Variants in KIFAP3 observed in about 807,000 individuals in gnomAD.
KIFAP3 encodes the protein kinesin associated protein 3.
A neutral mutation model predicts 106.5 loss-of-function variants in KIFAP3; 68 were observed. That is an observed-to-expected ratio of 0.64 (90% CI 0.53 to 0.78). The LOEUF is 0.78. KIFAP3 is among the 30% of genes least tolerant of loss of function. KIFAP3 has a pLI of 0.00. For synonymous variants in KIFAP3, 320 were observed against 311.5 expected, an observed-to-expected ratio of 1.03 and a Z score of -0.29; for missense variants, 780 against 941.8, an observed-to-expected ratio of 0.83 and a Z score of 2.25.
chr1:170,023,631 G>C (rs965699613), intron 9 of KIFAP3, among the ~76,000 whole-genome samples: 1 of 152,030 alleles, frequency 6.6e-6, no homozygotes, highest in African/African-American at 2.4e-5. Context: ...TGAAAACAAG[G>C]TAGGTTAATA....
At chr1:170,010,225 A>G (rs148715578) in intron 10 of KIFAP3, among the ~76,000 whole-genome samples, 42 of 152,162 alleles carry the variant, frequency 2.8e-4, no homozygotes, top group African/African-American at 9.6e-4. Context: ...ATATTCATAT[A>G]TAAGGTTTTC....
At chr1:169,989,302 T>C (rs983556097) in intron 11 of KIFAP3, among the ~76,000 whole-genome samples, 1 of 150,472 alleles carries the variant, frequency 6.6e-6, no homozygotes, top group Non-Finnish European at 1.5e-5. Context: ...TATAAGTAAG[T>C]TTCCTATCCT....
At chr1:169,948,139 A>G (rs116052803) in intron 19 of KIFAP3, among the ~76,000 whole-genome samples, 2,797 of 151,900 alleles carry the variant, frequency 0.018, 72 homozygotes, top group African/African-American at 0.063. Context: ...AAGGAAGTAA[A>G]CAATCTAAGG....
rs1302675996 is a variant in KIFAP3, at chr1:170,011,486, TTAAA to T, written c.1183+4972_1183+4975del. On this transcript the variant is annotated intron_variant, in intron 10 of 19. Coordinates refer to ENST00000361580, the MANE Select transcript of KIFAP3 (RefSeq NM_014970.4). Reference sequence around the variant, plus strand: ...TTAATTACATATATTAAACAAATGTTTAAATATATATCAAATATAATATGTAATA... The same window carrying T: ...TTAATTACATATATTAAACAAATGTTTATATATCAAATATAATATGTAATA... 1.3e-4 allele frequency among the ~76,000 whole-genome samples: 20 copies of T among 151,886 alleles called. No individual in the cohort carries two copies. The East Asian group carries it at 3.5e-3, about 26-fold the overall frequency.
chr1:170,006,872 G>A (rs1667993260), intron 10 of KIFAP3, among the ~76,000 whole-genome samples: 1 of 152,116 alleles, frequency 6.6e-6, no homozygotes, highest in African/African-American at 2.4e-5. Context: ...TATAGGCAGA[G>A]TATTTAAATG....
chr1:169,988,460 T>C (rs552898304), intron 11 of KIFAP3, among the ~76,000 whole-genome samples: 2 of 152,124 alleles, frequency 1.3e-5, no homozygotes, highest in Non-Finnish European at 2.9e-5. Context: ...CATGAGGATT[T>C]TTACCAAGCA....
Position 169,997,088 on chromosome 1 carries a change from C to A in KIFAP3, c.1184-4833G>T, listed in dbSNP as rs150038659. On this transcript the variant is annotated intron_variant, in intron 10 of 19. Transcript: ENST00000361580. ...TAGGTAGACTGATAAAAGCAATACTCTAACATTGGCTGACAGCTCAGGCTC... is the reference window on the plus strand; with the variant it reads ...TAGGTAGACTGATAAAAGCAATACTATAACATTGGCTGACAGCTCAGGCTC... Among the ~76,000 whole-genome samples, 262 of 152,316 alleles carry A rather than the reference C, an allele frequency of 1.7e-3. 1 individual carries two copies. Among genetic ancestry groups the A allele is most frequent in the African/African-American group, 6.1e-3 (255 of 41,562 alleles).
intron 18 of KIFAP3, among the ~76,000 whole-genome samples, chr1:169,957,771 C>T (rs1291268415): frequency 6.6e-6 from 1 of 152,004 alleles, no homozygotes; most frequent in Non-Finnish European, 1.5e-5. Context: ...GGATTACAGG[C>T]GTGTGCTATC....
intron 18 of KIFAP3, among the ~76,000 whole-genome samples, chr1:169,960,567 T>C (rs1665272224): frequency 6.6e-6 from 1 of 152,154 alleles, no homozygotes; most frequent in African/African-American, 2.4e-5. Flanking sequence ...AATAAACAAT[T>C]ACTCTAAAGT....
chr1:170,041,659 C>G (rs1484716095), intron 3 of KIFAP3: 78 of 1,527,190 alleles, frequency 5.1e-5, no homozygotes, highest in Non-Finnish European at 6.3e-5. Flanking sequence ...CCTCCCTTGC[C>G]AGCAAGGCAT....
intron 3 of KIFAP3, chr1:170,041,563 G>A (rs985055999): frequency 7.1e-6 from 5 of 706,592 alleles, no homozygotes; most frequent in African/African-American, 7.0e-5. Flanking sequence ...TCTGCCTGTG[G>A]CTCGGTGACC....
chr1:170,062,048 G>A (rs1036656900), intron 1 of KIFAP3, among the ~76,000 whole-genome samples: 1 of 152,014 alleles, frequency 6.6e-6, no homozygotes, highest in Non-Finnish European at 1.5e-5. Flanking sequence ...AGCATTAGGA[G>A]ATATGCCTAA....
At chr1:170,011,800 C>T (rs936048390) in intron 10 of KIFAP3, among the ~76,000 whole-genome samples, 2 of 151,962 alleles carry the variant, frequency 1.3e-5, no homozygotes, top group South Asian at 4.1e-4. Flanking sequence ...TTAAATGTAT[C>T]ACTGAATTAC....
chr1:170,076,678 C>A (rs769544501), upstream of KIFAP3, among the ~76,000 whole-genome samples: 2 of 152,074 alleles, frequency 1.3e-5, no homozygotes, highest in Non-Finnish European at 2.9e-5. Context: ...CTCCTTTTAA[C>A]AAGGAAAAGC....
chr1:170,030,901 T>C (rs1251373182), intron 8 of KIFAP3, among the ~76,000 whole-genome samples: 1 of 151,748 alleles, frequency 6.6e-6, no homozygotes, highest in African/African-American at 2.4e-5. Context: ...GGTATTTACA[T>C]ATGTTAAAAT....
At chr1:169,997,504 G>GACAC (rs1031845053) in intron 10 of KIFAP3, among the ~76,000 whole-genome samples, 1 of 152,060 alleles carries the variant, frequency 6.6e-6, no homozygotes, top group African/African-American at 2.4e-5. Context: ...AGATAAGCTA[G>GACAC]ACACAGTTCA....
chr1:170,041,557 C>T lies in KIFAP3; in HGVS notation c.320-2269G>A, dbSNP rs1571717110. On this transcript the variant is annotated intron_variant, in intron 3 of 19. Coordinates refer to ENST00000361580, the MANE Select transcript of KIFAP3 (RefSeq NM_014970.4). Reference sequence around the variant, plus strand: ...AAGGGATACCCCTCGTAGGCATCTGCCTGTGGCTCGGTGACCTCTTAGCAT... The same window carrying T: ...AAGGGATACCCCTCGTAGGCATCTGTCTGTGGCTCGGTGACCTCTTAGCAT... 8.7e-5 allele frequency: 58 copies of T among 668,092 alleles called. No homozygotes were observed. The East Asian group carries it at 1.6e-3, about 18-fold the overall frequency. The allele number at this position is 668,092 out of a possible 1,614,324, so 41.4% of individuals were successfully genotyped here.
chr1:170,027,139 C>T (rs1216236502), intron 8 of KIFAP3, among the ~76,000 whole-genome samples: 2 of 151,766 alleles, frequency 1.3e-5, no homozygotes, highest in Non-Finnish European at 2.9e-5. Context: ...CCTGCCTCAG[C>T]CTCCTGAGTA....
chr1:169,984,929 TAA>T (rs1666740014), intron 11 of KIFAP3, among the ~76,000 whole-genome samples: 1 of 151,808 alleles, frequency 6.6e-6, no homozygotes, highest in South Asian at 2.1e-4. Flanking sequence ...GTGGAGAATA[TAA>T]GAGAAATATT....
Sources: allele counts gnomAD v4.1 joint callset (sites outside exome capture counted in the v4.1 genomes callset), GRCh38; gene constraint gnomAD v4.1.1; transcripts MANE v1.5; gene names NCBI Gene and HGNC (gene_info 2026-07-23, HGNC 2026-07-21).